FILIP1: variants seen among roughly 807,000 people sequenced by gnomAD.
FILIP1 encodes filamin A interacting protein 1, also known as filamin-A-interacting protein 1.
FILIP1 carries 61 observed loss-of-function variants against 102.1 expected under a neutral mutation model. The observed-to-expected ratio is 0.60, with a 90% CI of 0.49 to 0.74. The LOEUF (loss-of-function observed/expected upper bound fraction) is 0.74, where lower values mean the gene tolerates loss of function less well. FILIP1 is among the 30% of genes least tolerant of loss of function. FILIP1 has a pLI of 0.00. For synonymous variants in FILIP1, 491 were observed against 526.9 expected (o/e 0.93, Z 0.93); for missense variants, 1,314 against 1,441.2 (o/e 0.91, Z 1.43).
chr6:75,480,751 T>C (rs1296747288), intron 1 of FILIP1, among the ~76,000 whole-genome samples: 1 of 152,158 alleles, frequency 6.6e-6, no homozygotes, highest in Non-Finnish European at 1.5e-5. Flanking sequence ...TTAGAAAAAA[T>C]ACTCAGCAAT....
At chr6:75,382,817 T>A (rs1775949209) in intron 2 of FILIP1, among the ~76,000 whole-genome samples, 1 of 152,178 alleles carries the variant, frequency 6.6e-6, no homozygotes, top group South Asian at 2.1e-4. Context: ...GGGGATCTTG[T>A]GAATCTGCAG....
intron 2 of FILIP1, among the ~76,000 whole-genome samples, chr6:75,409,023 A>T (rs1484098207): frequency 6.6e-6 from 1 of 152,010 alleles, no homozygotes; most frequent in African/African-American, 2.4e-5. Context: ...TCCCTGGTGT[A>T]AAAAAAACCT....
At chr6:75,443,273 G>A (rs2998393) in intron 1 of FILIP1, among the ~76,000 whole-genome samples, 104,246 of 152,068 alleles carry the variant, frequency 0.69, 36,669 homozygotes, top group African/African-American at 0.84. Context: ...CAATCAGCAG[G>A]AAGAAAATCA....
At chr6:75,430,660 T>C (rs1439347501) in intron 1 of FILIP1, among the ~76,000 whole-genome samples, 1 of 152,234 alleles carries the variant, frequency 6.6e-6, no homozygotes, top group Non-Finnish European at 1.5e-5. Context: ...AGTAGTGGTC[T>C]CATATCTGAG....
downstream of FILIP1, among the ~76,000 whole-genome samples, chr6:75,304,119 A>G (rs1262794136): frequency 2.0e-5 from 3 of 152,202 alleles, no homozygotes; most frequent in South Asian, 2.1e-4. Flanking sequence ...AATTAAAACA[A>G]TTATTCTTTT....
At chr6:75,459,698 C>A (rs2951918) in intron 1 of FILIP1, among the ~76,000 whole-genome samples, 100,811 of 151,978 alleles carry the variant, frequency 0.66, 34,052 homozygotes, top group African/African-American at 0.77. Flanking sequence ...ACATAATTTT[C>A]TGTTACTTTT....
chr6:75,421,381 C>T lies in FILIP1; in HGVS notation c.-6-6403G>A, dbSNP rs568524154. On this transcript the variant is annotated intron_variant, in intron 1 of 5. Transcript: ENST00000237172. ...AATTACTCTAAAGCTAGGGATGTAT[C>T]GGCTCCACAGGGCAACAGGGTAACC... Among the ~76,000 whole-genome samples, 47 of 152,190 alleles carry T rather than the reference C, an allele frequency of 3.1e-4. No homozygotes were observed. In the South Asian group the frequency reaches 8.5e-3, roughly 28 times the overall value.
chr6:75,451,844 T>A (rs542414958), intron 1 of FILIP1, among the ~76,000 whole-genome samples: 13 of 151,848 alleles, frequency 8.6e-5, no homozygotes, highest in East Asian at 3.9e-4. Flanking sequence ...AAAAAAAATT[T>A]AAAAAAAAGA....
chr6:75,370,448 C>T (rs1313333237), intron 2 of FILIP1, among the ~76,000 whole-genome samples: 1 of 152,076 alleles, frequency 6.6e-6, no homozygotes, highest in Non-Finnish European at 1.5e-5. Flanking sequence ...CATAAACTGG[C>T]ACTGAAAATC....
At chr6:75,340,956 G>A (rs975459624) in intron 4 of FILIP1, among the ~76,000 whole-genome samples, 3 of 145,846 alleles carry the variant, frequency 2.1e-5, no homozygotes, top group Non-Finnish European at 3.0e-5. Flanking sequence ...CATCCACCCC[G>A]GCTTCCCAAA....
intron 2 of FILIP1, among the ~76,000 whole-genome samples, chr6:75,363,647 A>G (rs1486738617): frequency 1.3e-5 from 2 of 152,200 alleles, no homozygotes; most frequent in Non-Finnish European, 2.9e-5. Flanking sequence ...GCTTTATATC[A>G]TACTGTCTGT....
intron 1 of FILIP1, among the ~76,000 whole-genome samples, chr6:75,485,412 G>C (rs1429763599): frequency 6.6e-6 from 1 of 152,124 alleles, no homozygotes; most frequent in Non-Finnish European, 1.5e-5. Context: ...ACAAGTTACT[G>C]TTTCAATTTA....
At chr6:75,374,914 A>G (rs1775702982) in intron 2 of FILIP1, among the ~76,000 whole-genome samples, 1 of 151,770 alleles carries the variant, frequency 6.6e-6, no homozygotes, top group Non-Finnish European at 1.5e-5. Context: ...AGTTATCTCT[A>G]GAAGTTATTT....
At chr6:75,310,914 T>C (rs1582317295) in intron 5 of FILIP1, among the ~76,000 whole-genome samples, 1 of 152,316 alleles carries the variant, frequency 6.6e-6, no homozygotes, top group East Asian at 1.9e-4. Context: ...TCTATGTTTG[T>C]GCATAGAAAA....
intron 4 of FILIP1, among the ~76,000 whole-genome samples, chr6:75,335,904 C>G (rs1774225867): frequency 1.3e-5 from 2 of 152,126 alleles, no homozygotes; most frequent in Non-Finnish European, 2.9e-5. Context: ...TGTCTAACCT[C>G]TCAATAGCCT....
intron 2 of FILIP1, among the ~76,000 whole-genome samples, chr6:75,379,345 A>AT (rs1775834645): frequency 6.6e-6 from 1 of 152,354 alleles, no homozygotes; most frequent in South Asian, 2.1e-4. Flanking sequence ...TGCCTTTTGC[A>AT]TATAGAAATA....
At chr6:75,391,492 C>T (rs1488175129) in intron 2 of FILIP1, among the ~76,000 whole-genome samples, 1 of 152,076 alleles carries the variant, frequency 6.6e-6, no homozygotes, top group Non-Finnish European at 1.5e-5. Context: ...AAAATTGAAA[C>T]AATTTGGGAA....
At chr6:75,350,400 GTTTT>G (rs10602538) in intron 4 of FILIP1, among the ~76,000 whole-genome samples, 2,546 of 136,416 alleles carry the variant, frequency 0.019, 72 homozygotes, top group East Asian at 0.11. Flanking sequence ...TTTTTTTAAA[GTTTT>G]TTTTTTTTTT....
intron 1 of FILIP1, chr6:75,458,306 T>C (rs755951197): frequency 2.0e-5 from 3 of 152,120 alleles, no homozygotes; most frequent in Non-Finnish European, 4.4e-5. Context: ...ACAAAGAATA[T>C]TCAGTCCAAA....
Sources: allele counts gnomAD v4.1 joint callset (sites outside exome capture counted in the v4.1 genomes callset), GRCh38; gene constraint gnomAD v4.1.1; transcripts MANE v1.5; gene names NCBI Gene and HGNC (gene_info 2026-07-23, HGNC 2026-07-21).